HACD2: variants seen among roughly 807,000 people sequenced by gnomAD.
HACD2 encodes the protein very-long-chain (3R)-3-hydroxyacyl-CoA dehydratase 2.
In HACD2, 15 loss-of-function variants were observed where a neutral mutation model predicts 31.0. The ratio of observed to expected loss-of-function variants is 0.48; its 90% confidence interval spans 0.32 to 0.75. The LOEUF is 0.75. Among genes scored for constraint, HACD2 ranks in the 30% least tolerant of loss-of-function variants. HACD2 has a pLI of 0.03. For synonymous variants in HACD2, 115 were observed against 122.2 expected (o/e 0.94, Z 0.39); for missense variants, 283 against 313.0 (o/e 0.90, Z 0.72).
intron 4 of HACD2, among the ~76,000 whole-genome samples, chr3:123,521,643 G>A (rs2056216454): frequency 6.6e-6 from 1 of 151,134 alleles, no homozygotes; most frequent in Non-Finnish European, 1.5e-5. Context: ...ATGTCTAGGT[G>A]TTTTCAGGAG....
intron 3 of HACD2, among the ~76,000 whole-genome samples, chr3:123,543,511 G>C (rs2056518607): frequency 6.6e-6 from 1 of 152,148 alleles, no homozygotes; most frequent in South Asian, 2.1e-4. Context: ...CTGGGGGACT[G>C]GGGTGGGAAA....
At chr3:123,529,757 T>C (rs1188558493) in intron 3 of HACD2, among the ~76,000 whole-genome samples, 1 of 152,018 alleles carries the variant, frequency 6.6e-6, no homozygotes. Flanking sequence ...AATAAATACA[T>C]AAATAAATGT....
intron 3 of HACD2, among the ~76,000 whole-genome samples, chr3:123,542,275 C>A (rs140423993): frequency 3.3e-3 from 480 of 143,396 alleles, no homozygotes; most frequent in Non-Finnish European, 5.4e-3. Flanking sequence ...AATTAATAAA[C>A]AAATATATGG....
intron 3 of HACD2, among the ~76,000 whole-genome samples, chr3:123,537,913 T>C (rs1470590493): frequency 6.6e-6 from 1 of 152,204 alleles, no homozygotes; most frequent in Non-Finnish European, 1.5e-5. Context: ...AAATTAAACT[T>C]TTGGCACTAG....
intron 3 of HACD2, among the ~76,000 whole-genome samples, chr3:123,562,865 T>C (rs1314659516): frequency 2.0e-5 from 3 of 152,244 alleles, no homozygotes; most frequent in East Asian, 3.8e-4. Context: ...TTCAGAATGC[T>C]ACCGAAAAAT....
chr3:123,506,347 T>A (rs535628663), intron 4 of HACD2, among the ~76,000 whole-genome samples: 2 of 152,320 alleles, frequency 1.3e-5, no homozygotes, highest in East Asian at 3.9e-4. Context: ...GACAGAGGTC[T>A]GGACACAGGG....
chr3:123,567,939 T>C (rs2056810199), intron 2 of HACD2, among the ~76,000 whole-genome samples, 159 bp from the exon 3 acceptor site: 1 of 152,232 alleles, frequency 6.6e-6, no homozygotes, highest in Admixed American at 6.5e-5. Flanking sequence ...GGCTACAAGC[T>C]GTTTAACAAA....
At chr3:123,519,082 T>G (rs1020896917) in intron 4 of HACD2, among the ~76,000 whole-genome samples, 4 of 150,402 alleles carry the variant, frequency 2.7e-5, no homozygotes, top group Non-Finnish European at 5.9e-5. Flanking sequence ...AAAACAAACC[T>G]TTATGGTCTG....
intron 6 of HACD2, among the ~76,000 whole-genome samples, chr3:123,498,657 C>T (rs569317653): frequency 4.6e-5 from 7 of 152,320 alleles, no homozygotes; most frequent in East Asian, 1.9e-4. Context: ...TCCCCTCCAC[C>T]GCCCAGGGAA....
intron 4 of HACD2, among the ~76,000 whole-genome samples, chr3:123,524,025 G>A (rs2056249609): frequency 6.6e-6 from 1 of 152,206 alleles, no homozygotes; most frequent in Non-Finnish European, 1.5e-5. Context: ...TCTTTACTTA[G>A]CAGTTTAAGG....
chr3:123,522,019 A>C (rs1364740412), intron 4 of HACD2, among the ~76,000 whole-genome samples: 1 of 151,844 alleles, frequency 6.6e-6, no homozygotes, highest in Non-Finnish European at 1.5e-5. Flanking sequence ...AAGTGAGCCC[A>C]CTCTTGGCCG....
At chr3:123,531,358 C>T (rs2056358170) in intron 3 of HACD2, among the ~76,000 whole-genome samples, 2 of 151,914 alleles carry the variant, frequency 1.3e-5, no homozygotes, top group Non-Finnish European at 2.9e-5. Flanking sequence ...CTTGTTCTAT[C>T]GCCCAGGCTG....
At chr3:123,564,237 A>G (rs997911233) in intron 3 of HACD2, among the ~76,000 whole-genome samples, 1 of 152,198 alleles carries the variant, frequency 6.6e-6, no homozygotes, top group Admixed American at 6.5e-5. Flanking sequence ...ATCAGTGGAC[A>G]GGGCTGGAGT....
chr3:123,584,779 G>T lies in HACD2; in HGVS notation c.155+94C>A. ...CCCCCGCCGGGAATGCACTGCCTGC[G>T]GCGGGCCGCGCCGATCCTATCCGCC... On this transcript the variant is annotated intron_variant, in intron 1 of 6. Coordinates refer to ENST00000383657, the MANE Select transcript of HACD2 (RefSeq NM_198402.5). 2.9e-6 allele frequency: 3 copies of T among 1,031,550 alleles called. No individual in the cohort carries two copies. In the South Asian group the frequency reaches 6.4e-5, roughly 22 times the overall value. The allele number at this position is 1,031,550 out of a possible 1,614,324, so 63.9% of individuals were successfully genotyped here.
At chr3:123,542,261 C>T (rs1293321022) in intron 3 of HACD2, among the ~76,000 whole-genome samples, 1 of 150,638 alleles carries the variant, frequency 6.6e-6, no homozygotes, top group Non-Finnish European at 1.5e-5. Flanking sequence ...ACAAAAATGG[C>T]CACAATTAAT....
At chr3:123,525,619 G>C (rs913763230) in intron 4 of HACD2, among the ~76,000 whole-genome samples, 1 of 152,212 alleles carries the variant, frequency 6.6e-6, no homozygotes, top group Non-Finnish European at 1.5e-5. Context: ...AAACAAGGGA[G>C]ATGAGCAAAG....
At chr3:123,527,356 C>T (rs1302973981) in intron 4 of HACD2, among the ~76,000 whole-genome samples, 1 of 152,162 alleles carries the variant, frequency 6.6e-6, no homozygotes, top group African/African-American at 2.4e-5. Flanking sequence ...ATTCCTAATT[C>T]TTAAGTTGTA....
At chr3:123,544,162 G>A (rs1477058646) in intron 3 of HACD2, among the ~76,000 whole-genome samples, 1 of 152,206 alleles carries the variant, frequency 6.6e-6, no homozygotes, top group Non-Finnish European at 1.5e-5. Context: ...CACAGAACAT[G>A]GAAAGAGCCT....
intron 6 of HACD2, among the ~76,000 whole-genome samples, chr3:123,496,110 A>ACGTCCTGGGCTCAGTCAAT: frequency 6.6e-6 from 1 of 152,062 alleles, no homozygotes; most frequent in East Asian, 1.9e-4. Flanking sequence ...CATGGTCTGG[A>ACGTCCTGGGCTCAGTCAAT]CCTCCTGGGC....
Sources: gnomAD v4.1 joint callset for allele counts (sites outside exome capture counted in the v4.1 genomes callset) on GRCh38, gnomAD v4.1.1 for gene constraint, MANE v1.5 for transcripts, NCBI Gene and HGNC (gene_info 2026-07-23, HGNC 2026-07-21) for gene names.